Variants in PTPRT observed in about 807,000 individuals in gnomAD.
PTPRT encodes the protein receptor-type tyrosine-protein phosphatase T.
PTPRT carries 56 observed loss-of-function variants against 176.8 expected under a neutral mutation model. The observed-to-expected ratio is 0.32, with a 90% confidence interval of 0.26 to 0.40. The LOEUF (loss-of-function observed/expected upper bound fraction) is 0.40. Among genes scored for constraint, PTPRT ranks in the 10% least tolerant of loss-of-function variants. The pLI, the probability that PTPRT is intolerant of heterozygous loss-of-function variation, is 1.00. For missense variants in PTPRT, 1,540 were observed against 1,908.2 expected (o/e 0.81, Z 3.60); for synonymous variants, 783 against 739.0 (o/e 1.06, Z -0.96).
At chr20:42,988,218 T>C (rs1210739446) in intron 1 of PTPRT, among the ~76,000 whole-genome samples, 1 of 152,166 alleles carries the variant, frequency 6.6e-6, no homozygotes. Flanking sequence ...TCTGTCAATG[T>C]TACCAAAACA....
chr20:42,099,532 G>GA (rs1282593580), intron 26 of PTPRT, among the ~76,000 whole-genome samples: 1 of 117,356 alleles, frequency 8.5e-6, no homozygotes, highest in Non-Finnish European at 1.7e-5. Flanking sequence ...GAGGCCCAGA[G>GA]AAAATGGCCT....
At position 43,189,310 on chromosome 20, in the gene PTPRT, C is replaced by G. The variant is rs576827138; in HGVS notation, c.88+336G>C. The stretch of plus-strand genomic sequence containing the variant: ...CCGCTCCTCGTCTCGCCGCCCCAAA[C>G]ACTCAAGTGGCAGATTCCGACAAGT... On this transcript the variant is annotated intron_variant, in intron 1 of 30. Coordinates refer to ENST00000373187, the MANE Select transcript of PTPRT (RefSeq NM_007050.6). This position sits in a 1 kb window ranked among gnomAD's most constrained non-coding sequence, Gnocchi z 5.0. Among the ~76,000 whole-genome samples, 24 of 152,250 alleles carry G rather than the reference C, an allele frequency of 1.6e-4. No individual in the cohort carries two copies. Among genetic ancestry groups the G allele is most frequent in the Admixed American group, 6.5e-4 (10 of 15,310 alleles).
intron 1 of PTPRT, among the ~76,000 whole-genome samples, chr20:42,935,746 C>CTTCTA (rs545149419): frequency 5.3e-5 from 8 of 152,080 alleles, no homozygotes; most frequent in Admixed American, 6.6e-5. Context: ...CCAGTCTATT[C>CTTCTA]TTCTATTCTA....
At chr20:43,145,961 T>C (rs1277610564) in intron 1 of PTPRT, among the ~76,000 whole-genome samples, 1 of 152,228 alleles carries the variant, frequency 6.6e-6, no homozygotes, top group Non-Finnish European at 1.5e-5. Context: ...ATCTTTTTTA[T>C]GATATCACTT....
intron 7 of PTPRT, among the ~76,000 whole-genome samples, chr20:42,523,709 C>T (rs948863826): frequency 6.6e-6 from 1 of 152,088 alleles, no homozygotes. Flanking sequence ...ATTAGTTTTT[C>T]AACTTATTCT....
chr20:42,122,120 G>T (rs545666862), intron 19 of PTPRT, among the ~76,000 whole-genome samples: 1 of 152,236 alleles, frequency 6.6e-6, no homozygotes, highest in Admixed American at 6.5e-5. Flanking sequence ...CTTCACCACT[G>T]TGCAATACAT....
chr20:42,757,388 C>G (rs369010359), intron 5 of PTPRT, among the ~76,000 whole-genome samples: 304 of 152,312 alleles, frequency 2.0e-3, no homozygotes, highest in African/African-American at 6.9e-3. Context: ...TGCTACCCCA[C>G]CCCACAGGCT....
At chr20:42,271,649 C>T (rs1315630531) in intron 13 of PTPRT, among the ~76,000 whole-genome samples, 1 of 152,178 alleles carries the variant, frequency 6.6e-6, no homozygotes, top group East Asian at 1.9e-4. Context: ...ATTTGTAAAA[C>T]TTGTTCAAGG....
intron 1 of PTPRT, among the ~76,000 whole-genome samples, chr20:42,987,165 C>T (rs1205232207): frequency 2.0e-5 from 3 of 152,130 alleles, no homozygotes; most frequent in Non-Finnish European, 4.4e-5. Context: ...CTGCAACCAG[C>T]ACTGCCTCCC....
At chr20:42,669,689 T>C (rs537630938) in intron 7 of PTPRT, among the ~76,000 whole-genome samples, 1 of 152,140 alleles carries the variant, frequency 6.6e-6, no homozygotes, top group Admixed American at 6.5e-5. Flanking sequence ...GACCTTCAAT[T>C]ACCTCTTTTT....
At chr20:42,785,404 A>G (rs549439064) in intron 3 of PTPRT, among the ~76,000 whole-genome samples, 2 of 152,226 alleles carry the variant, frequency 1.3e-5, no homozygotes, top group African/African-American at 4.8e-5. Context: ...CCATAGAATC[A>G]TATGTACAGG....
At chr20:42,386,619 T>C (rs1485540772) in intron 9 of PTPRT, among the ~76,000 whole-genome samples, 1 of 152,120 alleles carries the variant, frequency 6.6e-6, no homozygotes, top group Non-Finnish European at 1.5e-5. Context: ...TATTATCTTC[T>C]TGGGAGGCTG....
chr20:42,916,650 G>T (rs372782525), intron 1 of PTPRT, among the ~76,000 whole-genome samples: 1 of 152,018 alleles, frequency 6.6e-6, no homozygotes, highest in African/African-American at 2.4e-5. Flanking sequence ...TTTTAATGAT[G>T]GCCATTCTAA....
intron 11 of PTPRT, among the ~76,000 whole-genome samples, chr20:42,340,457 T>C (rs2058096231): frequency 6.6e-6 from 1 of 152,158 alleles, no homozygotes; most frequent in Non-Finnish European, 1.5e-5. Flanking sequence ...TTTTGGCCCA[T>C]TGGTGGAGAC....
At position 42,082,025 on chromosome 20, in the gene PTPRT, CAG is replaced by C. The variant is rs751851343; in HGVS notation, c.4137-10_4137-9del. Reference sequence around the variant, plus strand: ...CTACGGCCTCCCCCATTTCTAAACACAGAGCAAAGAGGTGAGCCATGTTCCTA... The same window carrying C: ...CTACGGCCTCCCCCATTTCTAAACACAGCAAAGAGGTGAGCCATGTTCCTA... On this transcript the variant is annotated splice_polypyrimidine_tract_variant and intron_variant, in intron 29 of 30. Coordinates refer to ENST00000373187, the MANE Select transcript of PTPRT (RefSeq NM_007050.6). 3 of 1,614,140 alleles carry C rather than the reference CAG, an allele frequency of 1.9e-6. No individual in the cohort carries two copies. The highest frequency in any genetic ancestry group is 1.7e-6 in the Non-Finnish European group (2 of 1,180,034).
chr20:42,761,553 C>A (rs1478115356), intron 5 of PTPRT, among the ~76,000 whole-genome samples: 2 of 152,178 alleles, frequency 1.3e-5, no homozygotes, highest in Non-Finnish European at 2.9e-5. Context: ...TTTTAACAAA[C>A]CTTCCTGGGG....
chr20:42,267,759 G>A (rs1600753072), intron 13 of PTPRT, among the ~76,000 whole-genome samples: 1 of 152,152 alleles, frequency 6.6e-6, no homozygotes, highest in African/African-American at 2.4e-5. Context: ...CTGGGGTTGA[G>A]CAATCTTGCC....
At chr20:42,669,931 C>T (rs2075384748) in intron 7 of PTPRT, among the ~76,000 whole-genome samples, 1 of 152,160 alleles carries the variant, frequency 6.6e-6, no homozygotes, top group Non-Finnish European at 1.5e-5. Context: ...TCCCTCTTAC[C>T]TGAGACTAGA....
intron 2 of PTPRT, among the ~76,000 whole-genome samples, chr20:42,812,574 G>A (rs1054264339): frequency 9.2e-5 from 14 of 152,106 alleles, no homozygotes; most frequent in African/African-American, 3.1e-4. Flanking sequence ...TGGTTCAGCT[G>A]CTTGTAACAC....
Sources: gnomAD v4.1 joint callset for allele counts (sites outside exome capture counted in the v4.1 genomes callset) on GRCh38, gnomAD v4.1.1 for gene constraint, Gnocchi (gnomAD v3.1) non-coding constraint, MANE v1.5 for transcripts, NCBI Gene and HGNC (gene_info 2026-07-23, HGNC 2026-07-21) for gene names.